Variants in SPECC1L observed in about 807,000 individuals in gnomAD.
SPECC1L encodes the protein sperm antigen with calponin homology and coiled-coil domains 1 like, also known as cytospin-A.
Under a neutral mutation model 116.8 loss-of-function variants are expected in SPECC1L, and 40 were observed. That is an observed-to-expected ratio of 0.34 (90% CI 0.27 to 0.45). SPECC1L has a LOEUF of 0.45. Among genes scored for constraint, SPECC1L ranks in the 20% least tolerant of loss-of-function variants. The probability of loss-of-function intolerance (pLI) is 1.00; values close to 1 mark genes in which losing one functional copy is unlikely to be tolerated. For synonymous variants in SPECC1L, 504 were observed against 500.6 expected (o/e 1.01, Z -0.09); for missense variants, 1,110 against 1,373.6 (o/e 0.81, Z 3.03).
chr22:24,320,012 G>T (rs1276625189), intron 4 of SPECC1L, among the ~76,000 whole-genome samples: 1 of 152,242 alleles, frequency 6.6e-6, no homozygotes, highest in Non-Finnish European at 1.5e-5. Flanking sequence ...AGTGGCTCAC[G>T]CCTGTAATCC....
At chr22:24,306,162 C>T (rs747728714) in intron 3 of SPECC1L, among the ~76,000 whole-genome samples, 47 of 152,136 alleles carry the variant, frequency 3.1e-4, no homozygotes, top group Non-Finnish European at 6.3e-4. Context: ...CCACCTCGGC[C>T]TCCCAAAGTG....
At chr22:24,408,296 C>T (rs1314613730) in intron 14 of SPECC1L, among the ~76,000 whole-genome samples, 1 of 152,230 alleles carries the variant, frequency 6.6e-6, no homozygotes, top group East Asian at 1.9e-4. Flanking sequence ...CACAAGGCAC[C>T]TTCTTCATTA....
chr22:24,394,675 C>T, intron 14 of SPECC1L, among the ~76,000 whole-genome samples: 1 of 152,218 alleles, frequency 6.6e-6, no homozygotes, highest in South Asian at 2.1e-4. Flanking sequence ...GAATTCTAGT[C>T]CTTCATATCC....
chr22:24,417,623 TTTTG>T lies in SPECC1L; in HGVS notation c.*3008_*3011del, dbSNP rs1175502589. The T allele has an allele frequency of 1.3e-5, 2 of 151,706 alleles. No individual in the cohort carries two copies. Among genetic ancestry groups the T allele is most frequent in the African/African-American group, 2.4e-5 (1 of 41,242 alleles). 9.4% of individuals were successfully genotyped at this position (151,706 alleles called of 1,614,324 possible). On this transcript the variant is annotated 3_prime_UTR_variant, in exon 17 of 17. Coordinates refer to ENST00000314328, the MANE Select transcript of SPECC1L (RefSeq NM_015330.6). ...GGGCTGGGGAGTGTGTCTCGAGGGG[TTTTG>T]TTTGTTTTGAGGCATGTATCATCTT...
At chr22:24,289,912 A>G (rs1442209477) in intron 2 of SPECC1L, among the ~76,000 whole-genome samples, 1 of 152,170 alleles carries the variant, frequency 6.6e-6, no homozygotes. Context: ...GTTAAACGAC[A>G]ATGGCAACAT....
Position 24,346,003 on chromosome 22 carries a change from T to G in SPECC1L, c.2653-1083T>G, listed in dbSNP as rs532050217. ...AAGTGTTCATGGTGGATTCTTTCTGTTTTTTTTGTTTTTTTTTTTTTGAGA... is the reference window on the plus strand; with the variant it reads ...AAGTGTTCATGGTGGATTCTTTCTGGTTTTTTTGTTTTTTTTTTTTTGAGA... On this transcript the variant is annotated intron_variant, in intron 10 of 16. Coordinates refer to ENST00000314328, the MANE Select transcript of SPECC1L (RefSeq NM_015330.6). 4.6e-4 allele frequency among the ~76,000 whole-genome samples: 69 copies of G among 148,992 alleles called. 3 individuals carry two copies. The South Asian group carries it at 0.012, about 26-fold the overall frequency.
At chr22:24,316,637 TC>T (rs969501543) in intron 4 of SPECC1L, among the ~76,000 whole-genome samples, 17 of 149,684 alleles carry the variant, frequency 1.1e-4, no homozygotes, top group Non-Finnish European at 2.1e-4. Context: ...GAAGAATTTT[TC>T]TTAGTACAGA....
At chr22:24,326,671 A>G (rs2040828201) in intron 6 of SPECC1L, among the ~76,000 whole-genome samples, 1 of 152,174 alleles carries the variant, frequency 6.6e-6, no homozygotes, top group Non-Finnish European at 1.5e-5. Flanking sequence ...TTTCCTTTAC[A>G]TCTTAAGCAC....
intron 3 of SPECC1L, among the ~76,000 whole-genome samples, chr22:24,308,630 T>C (rs756657195): frequency 2.7e-5 from 4 of 149,818 alleles, no homozygotes; most frequent in Non-Finnish European, 5.9e-5. Flanking sequence ...AGAGATACTT[T>C]GAAACTTTGT....
chr22:24,409,474 T>C (rs1358520796), intron 14 of SPECC1L, among the ~76,000 whole-genome samples: 3 of 152,118 alleles, frequency 2.0e-5, no homozygotes, highest in Non-Finnish European at 4.4e-5. Context: ...ACCAGCTGAA[T>C]TGCAGAATAT....
intron 14 of SPECC1L, among the ~76,000 whole-genome samples, chr22:24,371,369 T>G (rs1287559032): frequency 6.6e-6 from 1 of 152,134 alleles, no homozygotes; most frequent in Admixed American, 6.5e-5. Context: ...TCCCAGTATT[T>G]TGTGAGGCCA....
At position 24,285,830 on chromosome 22, in the gene SPECC1L, C is replaced by T. The variant is rs190537592; in HGVS notation, c.-38+9027C>T. ...CTAATTTTTGTATTTTTGGTAGAGA[C>T]GGGGTTTCACTATGTTGGCCAGGCT... On this transcript the variant is annotated intron_variant, in intron 2 of 16. Coordinates refer to ENST00000314328, the MANE Select transcript of SPECC1L (RefSeq NM_015330.6). Among the ~76,000 whole-genome samples, 310 of 152,118 alleles carry T rather than the reference C, an allele frequency of 2.0e-3. 2 individuals are homozygous for T. Among genetic ancestry groups the T allele is most frequent in the Admixed American group, 0.018 (282 of 15,278 alleles).
rs542945913 is a variant in SPECC1L, at chr22:24,298,305, C to G, written c.-37-3890C>G. Among the ~76,000 whole-genome samples, 6 of 152,210 alleles carry G rather than the reference C, an allele frequency of 3.9e-5. No homozygotes were observed. In the East Asian group the frequency reaches 9.7e-4, roughly 24 times the overall value. On this transcript the variant is annotated intron_variant, in intron 2 of 16. Coordinates refer to ENST00000314328, the MANE Select transcript of SPECC1L (RefSeq NM_015330.6). ...TTTGATTCATGATATTTTCAACTTA[C>G]GATATTTTTATTCCATCATAAGTTG...
intron 11 of SPECC1L, among the ~76,000 whole-genome samples, chr22:24,352,943 T>C (rs558901570): frequency 2.7e-4 from 41 of 152,354 alleles, no homozygotes; most frequent in African/African-American, 9.6e-4. Context: ...TGTGGCATTC[T>C]TTTATATTTG....
At chr22:24,344,845 G>A (rs1481827765) in intron 10 of SPECC1L, among the ~76,000 whole-genome samples, 2 of 152,150 alleles carry the variant, frequency 1.3e-5, no homozygotes, top group Non-Finnish European at 2.9e-5. Context: ...TGCACAACCT[G>A]TGCAATGAAA....
intron 13 of SPECC1L, among the ~76,000 whole-genome samples, chr22:24,368,247 A>G (rs980704861): frequency 2.0e-5 from 3 of 152,320 alleles, no homozygotes; most frequent in East Asian, 1.9e-4. Flanking sequence ...TTACTATCAT[A>G]TAGTAAACTC....
intron 4 of SPECC1L, among the ~76,000 whole-genome samples, chr22:24,317,403 C>G (rs1288677109): frequency 8.1e-6 from 1 of 123,466 alleles, no homozygotes; most frequent in Non-Finnish European, 1.8e-5. Context: ...AGAGGCGCCC[C>G]TCACCTCCCA....
intron 2 of SPECC1L, among the ~76,000 whole-genome samples, chr22:24,289,670 T>A (rs534714399): frequency 2.6e-5 from 4 of 152,210 alleles, no homozygotes; most frequent in Admixed American, 2.0e-4. Context: ...AGTGGCCATT[T>A]GAGTTGGTAT....
intron 14 of SPECC1L, among the ~76,000 whole-genome samples, chr22:24,386,611 A>G (rs1326624009): frequency 6.6e-6 from 1 of 151,514 alleles, no homozygotes; most frequent in Non-Finnish European, 1.5e-5. Flanking sequence ...TATTATTATT[A>G]TTATTATTTT....
Sources: allele counts gnomAD v4.1 joint callset (sites outside exome capture counted in the v4.1 genomes callset), GRCh38; gene constraint gnomAD v4.1.1; transcripts MANE v1.5; gene names NCBI Gene and HGNC (gene_info 2026-07-23, HGNC 2026-07-21).